Variants in KIRREL3 observed in about 807,000 individuals in gnomAD.
KIRREL3 encodes the protein kirre like nephrin family adhesion molecule 3, also known as kin of IRRE-like protein 3.
Under a neutral mutation model 89.7 loss-of-function variants are expected in KIRREL3, and 36 were observed. The ratio of observed to expected loss-of-function variants is 0.40; its 90% confidence interval spans 0.31 to 0.53. KIRREL3 has a LOEUF of 0.53. Ranked by LOEUF, KIRREL3 falls within the 20% of genes least tolerant of loss-of-function variation. KIRREL3 has a pLI of 0.49. For synonymous variants in KIRREL3, 445 were observed against 441.4 expected, an observed-to-expected ratio of 1.01 and a Z score of -0.10; for missense variants, 864 against 1,056.6, an observed-to-expected ratio of 0.82 and a Z score of 2.53.
chr11:126,509,197 A>C (rs980456290), intron 4 of KIRREL3, among the ~76,000 whole-genome samples: 1 of 152,144 alleles, frequency 6.6e-6, no homozygotes, highest in African/African-American at 2.4e-5. Flanking sequence ...ACCGTTTCTC[A>C]TCATTTCATG....
chr11:126,665,942 TA>T (rs1359832476), intron 1 of KIRREL3, among the ~76,000 whole-genome samples: 2 of 152,220 alleles, frequency 1.3e-5, no homozygotes, highest in East Asian at 3.8e-4. Context: ...TGACATGAGG[TA>T]AAAATATATA....
At position 126,762,192 on chromosome 11, in the gene KIRREL3, T is replaced by TAAATAAAC. The variant is rs1302705451; in HGVS notation, c.56-199281_56-199280insGTTTATTT. On this transcript the variant is annotated intron_variant, in intron 1 of 16. Transcript: ENST00000525144. ...TGTCATAAATAAATAAATAAATAAA[T>TAAATAAAC]AAACAAACAAACAAATAAATAAAGT... 1.7e-3 allele frequency among the ~76,000 whole-genome samples: 263 copies of TAAATAAAC among 151,138 alleles called. 4 individuals carry two copies. Among genetic ancestry groups the TAAATAAAC allele is most frequent in the African/African-American group, 4.0e-3 (161 of 40,652 alleles).
Position 126,668,989 on chromosome 11 carries a change from C to T in KIRREL3, c.56-106077G>A, listed in dbSNP as rs961039379. On this transcript the variant is annotated intron_variant, in intron 1 of 16. Coordinates refer to ENST00000525144, the MANE Select transcript of KIRREL3 (RefSeq NM_032531.4). The surrounding 1 kb of genome is among the most constrained non-coding windows in gnomAD (Gnocchi z 4.4). ...TCCAGGATGAGGGAATGCATGTTTC[C>T]AGTGACTCCTGAAGTTTTATTCACC... 6.6e-6 allele frequency among the ~76,000 whole-genome samples: 1 copy of T among 151,992 alleles called. No homozygotes were observed.
intron 1 of KIRREL3, among the ~76,000 whole-genome samples, chr11:126,800,094 A>T (rs890680037): frequency 6.6e-6 from 1 of 152,204 alleles, no homozygotes; most frequent in African/African-American, 2.4e-5. Context: ...CTCTAACCAG[A>T]TCTCCAGGGG....
rs1040309428 is a variant in KIRREL3, at chr11:126,643,913, G to A, written c.56-81001C>T. Among the ~76,000 whole-genome samples, 4 of 152,196 alleles carry A rather than the reference G, an allele frequency of 2.6e-5. No homozygotes were observed. The highest frequency in any genetic ancestry group is 2.1e-4 in the South Asian group (1 of 4,824). On this transcript the variant is annotated intron_variant, in intron 1 of 16. Transcript: ENST00000525144. This position sits in a 1 kb window ranked among gnomAD's most constrained non-coding sequence, Gnocchi z 4.5. ...AAGATCATGATGTCAACTCTAGCTC[G>A]AGAACACAGAGAAAAGGCAAGAGTT...
chr11:126,799,521 T>A (rs952353361), intron 1 of KIRREL3, among the ~76,000 whole-genome samples: 3 of 56,226 alleles, frequency 5.3e-5, no homozygotes, highest in Non-Finnish European at 1.2e-4. Flanking sequence ...TCCTGAGTTA[T>A]GAATTTTGTT....
At chr11:126,749,307 G>A (rs913809752) in intron 1 of KIRREL3, among the ~76,000 whole-genome samples, 1 of 152,146 alleles carries the variant, frequency 6.6e-6, no homozygotes, top group Admixed American at 6.5e-5. Context: ...CTCCCGATAC[G>A]ACTTATCTGC....
Position 126,903,571 on chromosome 11 carries a change from A to C in KIRREL3, c.55+96884T>G, listed in dbSNP as rs1946456788. ...ATCACATTTCTGGCCTTGACTGCTG[A>C]GTTTATTACTACCCATAACCCTGGC... On this transcript the variant is annotated intron_variant, in intron 1 of 16. Coordinates refer to ENST00000525144, the MANE Select transcript of KIRREL3 (RefSeq NM_032531.4). The surrounding 1 kb of genome is among the most constrained non-coding windows in gnomAD (Gnocchi z 4.5). 1.3e-5 allele frequency among the ~76,000 whole-genome samples: 2 copies of C among 152,244 alleles called. No homozygotes were observed. Among genetic ancestry groups the C allele is most frequent in the East Asian group, 3.9e-4 (2 of 5,166 alleles).
chr11:126,424,403 G>A lies in KIRREL3; in HGVS notation c.*177C>T. The A allele has an allele frequency of 1.7e-6, 1 of 578,064 alleles. No individual in the cohort carries two copies. The highest frequency in any genetic ancestry group is 2.0e-5 in the South Asian group (1 of 50,898). The allele number at this position is 578,064 out of a possible 1,614,324, so 35.8% of individuals were successfully genotyped here. ...CGCCCACCTCTGGCACACAGCACCT[G>A]GGGACCCAGATTTGTGCTTGATCAG... On this transcript the variant is annotated 3_prime_UTR_variant, in exon 17 of 17. Transcript: ENST00000525144.
rs1185004559 is a variant in KIRREL3 at position 126,709,544 on chromosome 11, T to A, written c.56-146632A>T. ...TGTCTATATTTGGAGATAGGGTCTTTAAAAAGGTGATTAAGTTAAAATGAG... is the reference window on the plus strand; with the variant it reads ...TGTCTATATTTGGAGATAGGGTCTTAAAAAAGGTGATTAAGTTAAAATGAG... On this transcript the variant is annotated intron_variant, in intron 1 of 16. Transcript: ENST00000525144. The surrounding 1 kb of genome is among the most constrained non-coding windows in gnomAD (Gnocchi z 4.0). 6.6e-6 allele frequency among the ~76,000 whole-genome samples: 1 copy of A among 152,126 alleles called. No individual in the cohort carries two copies. Among genetic ancestry groups the A allele is most frequent in the Non-Finnish European group, 1.5e-5 (1 of 68,018 alleles).
At chr11:126,618,087 C>G (rs879816948) in intron 1 of KIRREL3, among the ~76,000 whole-genome samples, 1 of 152,200 alleles carries the variant, frequency 6.6e-6, no homozygotes, top group Non-Finnish European at 1.5e-5. Flanking sequence ...TGAGATATCA[C>G]GAGATCTGGT....
At position 126,435,446 on chromosome 11, in the gene KIRREL3, T is replaced by C. The variant is rs1955289099; in HGVS notation, c.1553-143A>G. The C allele has an allele frequency of 1.9e-5, 15 of 799,918 alleles. No homozygotes were observed. The South Asian group carries it at 2.1e-4, about 11-fold the overall frequency. The allele number at this position is 799,918 out of a possible 1,614,324, so 49.6% of individuals were successfully genotyped here. ...CTGGGACCCCCCAACAGATCCAGGC[T>C]AGCCCAGCTGAACTTGGAGTTCATT... On this transcript the variant is annotated intron_variant, in intron 12 of 16. Transcript: ENST00000525144.
intron 1 of KIRREL3, among the ~76,000 whole-genome samples, chr11:126,813,858 G>T (rs933248592): frequency 6.6e-6 from 1 of 151,792 alleles, no homozygotes; most frequent in African/African-American, 2.4e-5. Context: ...CACATGCAAG[G>T]GTTTCATGAT....
chr11:126,800,279 G>A (rs1950989557), intron 1 of KIRREL3, among the ~76,000 whole-genome samples: 1 of 152,172 alleles, frequency 6.6e-6, no homozygotes, highest in Non-Finnish European at 1.5e-5. Flanking sequence ...CAGGGCCTTG[G>A]AGCAGCCCTG....
Position 126,703,264 on chromosome 11 carries a change from A to G in KIRREL3, c.56-140352T>C, listed in dbSNP as rs956976669. 4.6e-5 allele frequency among the ~76,000 whole-genome samples: 7 copies of G among 152,224 alleles called. No individual in the cohort carries two copies. The highest frequency in any genetic ancestry group is 7.3e-5 in the Non-Finnish European group (5 of 68,038). The stretch of plus-strand genomic sequence containing the variant: ...GGCTGCTGCAGGCTGTGCACTGCAC[A>G]AGGCCAAGGCTTACCATTTGCATGG... On this transcript the variant is annotated intron_variant, in intron 1 of 16. Coordinates refer to ENST00000525144, the MANE Select transcript of KIRREL3 (RefSeq NM_032531.4). The surrounding 1 kb of genome is among the most constrained non-coding windows in gnomAD (Gnocchi z 4.6).
rs544815405 is a variant in KIRREL3, at chr11:126,754,120, T to A, written c.56-191208A>T. On this transcript the variant is annotated intron_variant, in intron 1 of 16. Transcript: ENST00000525144. This position sits in a 1 kb window ranked among gnomAD's most constrained non-coding sequence, Gnocchi z 5.1. ...TTTCCCTGGAAACTGCATAACCATT[T>A]GAATTAATTTAATTTGAAATATCAA... Among the ~76,000 whole-genome samples the A allele has an allele frequency of 1.3e-5, 2 of 152,302 alleles. No homozygotes were observed. Among genetic ancestry groups the A allele is most frequent in the South Asian group, 4.2e-4 (2 of 4,812 alleles).
At chr11:126,659,129 A>T (rs1397168640) in intron 1 of KIRREL3, among the ~76,000 whole-genome samples, 1 of 152,214 alleles carries the variant, frequency 6.6e-6, no homozygotes, top group African/African-American at 2.4e-5. Context: ...TCTTGCCTGC[A>T]AGGATATAGT....
At position 126,651,124 on chromosome 11, in the gene KIRREL3, A is replaced by G. The variant is rs540028676; in HGVS notation, c.56-88212T>C. Among the ~76,000 whole-genome samples, 161 of 152,332 alleles carry G rather than the reference A, an allele frequency of 1.1e-3. 5 individuals are homozygous for G. The South Asian group carries it at 0.03, about 29-fold the overall frequency. On this transcript the variant is annotated intron_variant, in intron 1 of 16. Transcript: ENST00000525144. The surrounding 1 kb of genome is among the most constrained non-coding windows in gnomAD (Gnocchi z 4.6). ...AACACATAGGAATTATGGGAGTACA[A>G]TTCAAGATGATATGTGGGTGGGGAC...
intron 1 of KIRREL3, among the ~76,000 whole-genome samples, chr11:126,929,767 C>A (rs1947862061): frequency 6.6e-6 from 1 of 152,208 alleles, no homozygotes; most frequent in Non-Finnish European, 1.5e-5. Flanking sequence ...AATTTCCATT[C>A]ATCAGGCTGC....
Sources: gnomAD v4.1 joint callset for allele counts (sites outside exome capture counted in the v4.1 genomes callset) on GRCh38, gnomAD v4.1.1 for gene constraint, Gnocchi (gnomAD v3.1) non-coding constraint, MANE v1.5 for transcripts, NCBI Gene and HGNC (gene_info 2026-07-23, HGNC 2026-07-21) for gene names.